Variants in C2CD5 observed in about 807,000 individuals in gnomAD.
C2CD5 encodes the protein C2 domain-containing protein 5.
In C2CD5, 109 loss-of-function variants were observed where a neutral mutation model predicts 130.3. That is an observed-to-expected ratio of 0.84 (90% CI 0.72 to 0.98). C2CD5 has a LOEUF of 0.98. Among genes scored for constraint, C2CD5 ranks in the 50% least tolerant of loss-of-function variants. C2CD5 has a pLI of 0.00. For missense variants in C2CD5, 996 were observed against 1,261.8 expected, an observed-to-expected ratio of 0.79 and a Z score of 3.19; for synonymous variants, 454 against 429.2, an observed-to-expected ratio of 1.06 and a Z score of -0.71.
At chr12:22,454,195 A>G (rs1054726076) in intron 25 of C2CD5, among the ~76,000 whole-genome samples, 153 bp from the exon 26 acceptor site, 1 of 152,214 alleles carries the variant, frequency 6.6e-6, no homozygotes, top group African/African-American at 2.4e-5. Context: ...GATTTACTGC[A>G]TGAATGAACA....
intron 22 of C2CD5, among the ~76,000 whole-genome samples, chr12:22,465,147 C>A (rs1397448756): frequency 6.6e-6 from 1 of 152,056 alleles, no homozygotes; most frequent in Admixed American, 6.5e-5. Context: ...ATGCTTGCCA[C>A]AGCAGTCAGC....
intron 19 of C2CD5, among the ~76,000 whole-genome samples, 181 bp from the exon 20 acceptor site, chr12:22,471,669 A>T (rs1008033344): frequency 1.3e-5 from 2 of 152,044 alleles, no homozygotes; most frequent in Non-Finnish European, 2.9e-5. Flanking sequence ...GTAGACAATA[A>T]GATTTAATCG....
At chr12:22,462,471 C>T (rs1591948772) in intron 22 of C2CD5, among the ~76,000 whole-genome samples, 1 of 152,250 alleles carries the variant, frequency 6.6e-6, no homozygotes, top group Non-Finnish European at 1.5e-5. Context: ...AGAAACTTAG[C>T]AAAGCAATAC....
chr12:22,500,251 GAA>G (rs368222026), intron 10 of C2CD5, among the ~76,000 whole-genome samples: 1 of 131,482 alleles, frequency 7.6e-6, no homozygotes. Context: ...AAAGGAGACA[GAA>G]AAAAAAAAAA....
At chr12:22,509,426 T>C (rs1277308193) in intron 9 of C2CD5, among the ~76,000 whole-genome samples, 1 of 152,194 alleles carries the variant, frequency 6.6e-6, no homozygotes, top group Non-Finnish European at 1.5e-5. Context: ...GTACTAGAGC[T>C]GGTCAGAAAG....
intron 8 of C2CD5, chr12:22,515,094 A>AAG (rs975559633): frequency 3.0e-6 from 3 of 985,066 alleles, no homozygotes; most frequent in Non-Finnish European, 3.6e-6. Context: ...AGGGAACCAC[A>AAG]AGAGAGAGAG....
At chr12:22,456,672 G>A (rs943661730) in intron 25 of C2CD5, among the ~76,000 whole-genome samples, 5 of 152,132 alleles carry the variant, frequency 3.3e-5, no homozygotes, top group Admixed American at 1.3e-4. Context: ...CTAAATTACT[G>A]AGGAAACGAA....
chr12:22,450,961 T>C lies in C2CD5; in HGVS notation c.3025-1070A>G, dbSNP rs557213793. On this transcript the variant is annotated intron_variant, in intron 26 of 26. Coordinates refer to ENST00000446597, the MANE Select transcript of C2CD5 (RefSeq NM_001286176.2). ...GGTGAAAGAGACAGCTGAGGAGCAATATGTACTGTAAAGCTACCACTTATA... is the reference window on the plus strand; with the variant it reads ...GGTGAAAGAGACAGCTGAGGAGCAACATGTACTGTAAAGCTACCACTTATA... Among the ~76,000 whole-genome samples the C allele has an allele frequency of 1.3e-5, 2 of 152,078 alleles. 1 individual carries two copies. Among genetic ancestry groups the C allele is most frequent in the South Asian group, 4.2e-4 (2 of 4,812 alleles).
At chr12:22,526,337 G>GGTA (rs1950716654) in intron 4 of C2CD5, among the ~76,000 whole-genome samples, 1 of 152,090 alleles carries the variant, frequency 6.6e-6, no homozygotes, top group African/African-American at 2.4e-5. Flanking sequence ...ACACTTTACA[G>GGTA]GTAGTATCTC....
intron 22 of C2CD5, 48 bp from the exon 23 acceptor site, chr12:22,459,590 C>CAGTACCTCTTCTTTGTTATTTGTT (rs1940688833): frequency 1.7e-6 from 2 of 1,150,142 alleles, no homozygotes; most frequent in Non-Finnish European, 2.5e-6. Context: ...AAGTACAAGC[C>CAGTACCTCTTCTTTGTTATTTGTT]AGTACCTCTT....
At chr12:22,502,299 G>A (rs902107755) in intron 10 of C2CD5, among the ~76,000 whole-genome samples, 1 of 152,110 alleles carries the variant, frequency 6.6e-6, no homozygotes, top group African/African-American at 2.4e-5. Flanking sequence ...CACTTTTACA[G>A]TAGCCTATAG....
chr12:22,536,455 G>A (rs1212999880), intron 2 of C2CD5, among the ~76,000 whole-genome samples: 1 of 152,104 alleles, frequency 6.6e-6, no homozygotes, highest in African/African-American at 2.4e-5. Context: ...TTAACCTACA[G>A]AAGTACTTTC....
intron 2 of C2CD5, among the ~76,000 whole-genome samples, chr12:22,541,404 TAAC>T (rs1565824768): frequency 6.6e-6 from 1 of 152,216 alleles, no homozygotes; most frequent in Non-Finnish European, 1.5e-5. Context: ...GTGCTCATCT[TAAC>T]AAGGGCTTCT....
intron 10 of C2CD5, among the ~76,000 whole-genome samples, chr12:22,505,001 G>A (rs1391561973): frequency 6.6e-6 from 1 of 152,074 alleles, no homozygotes; most frequent in East Asian, 1.9e-4. Flanking sequence ...GAAAACCAGT[G>A]CTTAGAAGAT....
At chr12:22,475,060 G>C (rs1295810139) in intron 15 of C2CD5, among the ~76,000 whole-genome samples, 169 bp from the exon 16 acceptor site, 1 of 152,096 alleles carries the variant, frequency 6.6e-6, no homozygotes, top group Non-Finnish European at 1.5e-5. Flanking sequence ...TAGCAGATAT[G>C]GCAGCCTTAA....
chr12:22,462,904 T>C (rs1663237701), intron 22 of C2CD5, among the ~76,000 whole-genome samples: 3 of 151,616 alleles, frequency 2.0e-5, no homozygotes. Flanking sequence ...CTGGGCAACA[T>C]GTTGAAACCC....
At chr12:22,451,251 C>A (rs1224231679) in intron 26 of C2CD5, among the ~76,000 whole-genome samples, 1 of 151,858 alleles carries the variant, frequency 6.6e-6, no homozygotes, top group Non-Finnish European at 1.5e-5. Flanking sequence ...AATAAAACTA[C>A]AATTAATTTT....
rs555371034 is a variant in C2CD5, at chr12:22,476,020, CTT to C, written c.1903-1131_1903-1130del. On this transcript the variant is annotated intron_variant, in intron 15 of 26. Coordinates refer to ENST00000446597, the MANE Select transcript of C2CD5 (RefSeq NM_001286176.2). ...ATGCCTTTGTTCACAATGCCACAGA[CTT>C]AACAAATATAACTGTCTGGTATTTA... Among the ~76,000 whole-genome samples, 373 of 152,212 alleles carry C rather than the reference CTT, an allele frequency of 2.5e-3. 7 individuals are homozygous for C. Among genetic ancestry groups the C allele is most frequent in the Admixed American group, 0.023 (351 of 15,252 alleles).
intron 10 of C2CD5, among the ~76,000 whole-genome samples, chr12:22,496,537 T>C (rs771567615): frequency 6.6e-6 from 1 of 151,824 alleles, no homozygotes. Context: ...TAAATAAACA[T>C]TTCAAAGATG....
Sources: gnomAD v4.1 joint callset for allele counts (sites outside exome capture counted in the v4.1 genomes callset) on GRCh38, gnomAD v4.1.1 for gene constraint, MANE v1.5 for transcripts, NCBI Gene and HGNC (gene_info 2026-07-23, HGNC 2026-07-21) for gene names.